The following B3GALT1 variants were observed in gnomAD, a reference collection of about 807,000 sequenced individuals.
The protein encoded by B3GALT1 is beta-1,3-galactosyltransferase 1.
A neutral mutation model predicts 23.2 loss-of-function variants in B3GALT1; 10 were observed. The ratio of observed to expected loss-of-function variants is 0.43; its 90% CI spans 0.27 to 0.73. The LOEUF is 0.73. Among genes scored for constraint, B3GALT1 ranks in the 30% least tolerant of loss-of-function variants. B3GALT1 has a pLI of 0.21. For synonymous variants in B3GALT1, 156 were observed against 141.5 expected (o/e 1.10, Z -0.73); for missense variants, 299 against 405.4 (o/e 0.74, Z 2.25).
At chr2:167,501,008 T>C (rs1019311791) in intron 2 of B3GALT1, among the ~76,000 whole-genome samples, 17 of 152,144 alleles carry the variant, frequency 1.1e-4, no homozygotes, top group Non-Finnish European at 2.4e-4. Flanking sequence ...GTTAAATTCC[T>C]AGAGTAGAAC....
chr2:167,326,627 G>A (rs150733986), intron 1 of B3GALT1, among the ~76,000 whole-genome samples: 149 of 152,000 alleles, frequency 9.8e-4, no homozygotes, highest in African/African-American at 3.4e-3. Context: ...AGAGATAGAG[G>A]TCCAGTTTCA....
At chr2:167,458,998 G>C (rs1699215426) in intron 1 of B3GALT1, among the ~76,000 whole-genome samples, 1 of 152,032 alleles carries the variant, frequency 6.6e-6, no homozygotes, top group South Asian at 2.1e-4. Context: ...CAATCTATTT[G>C]TGCCTTTGGA....
At chr2:167,782,173 G>T (rs1241644569) in intron 3 of B3GALT1, among the ~76,000 whole-genome samples, 3 of 152,110 alleles carry the variant, frequency 2.0e-5, no homozygotes, top group Non-Finnish European at 4.4e-5. Context: ...CAGGGACCTG[G>T]GTGGAGTACA....
At chr2:167,713,415 T>C (rs1426110711) in intron 3 of B3GALT1, among the ~76,000 whole-genome samples, 1 of 152,208 alleles carries the variant, frequency 6.6e-6, no homozygotes, top group Non-Finnish European at 1.5e-5. Flanking sequence ...ACACACTTAA[T>C]TGCACCATCC....
intron 1 of B3GALT1, among the ~76,000 whole-genome samples, chr2:167,449,258 G>A (rs964873273): frequency 6.6e-6 from 1 of 152,072 alleles, no homozygotes; most frequent in Admixed American, 6.6e-5. Context: ...TGTCATCAGT[G>A]ATTTCTTTCA....
At chr2:167,664,854 G>C (rs544470831) in intron 3 of B3GALT1, among the ~76,000 whole-genome samples, 3,972 of 150,324 alleles carry the variant, frequency 0.026, 156 homozygotes, top group African/African-American at 0.092. Context: ...AGCTTAAGGA[G>C]ATTTTGGGCT....
chr2:167,767,315 A>C (rs1162548808), intron 3 of B3GALT1, among the ~76,000 whole-genome samples: 1 of 152,174 alleles, frequency 6.6e-6, no homozygotes, highest in Non-Finnish European at 1.5e-5. Flanking sequence ...TCCTTTCTTA[A>C]AATGAGTTAT....
chr2:167,526,621 T>C (rs1282203392), intron 2 of B3GALT1, among the ~76,000 whole-genome samples: 2 of 152,226 alleles, frequency 1.3e-5, no homozygotes, highest in African/African-American at 4.8e-5. Flanking sequence ...TGTGTGTATA[T>C]GCACACCTGT....
rs768514716 is a variant in B3GALT1, at chr2:167,871,324, G to A, written c.*1304G>A. On this transcript the variant is annotated 3_prime_UTR_variant, in exon 5 of 5. Transcript: ENST00000392690. ...AGATCCTTAGCTTAAAAGGTGCTAC[G>A]TAATGCAATGTATCATGTATTATGC... is the stretch of plus-strand genomic sequence containing the variant. The A allele has an allele frequency of 6.6e-6, 1 of 152,156 alleles. No individual in the cohort carries two copies. Among genetic ancestry groups the A allele is most frequent in the Non-Finnish European group, 1.5e-5 (1 of 68,036 alleles). 9.4% of individuals were successfully genotyped at this position (152,156 alleles called of 1,614,324 possible).
intron 2 of B3GALT1, among the ~76,000 whole-genome samples, chr2:167,529,181 C>T (rs1032496447): frequency 6.6e-6 from 1 of 152,092 alleles, no homozygotes; most frequent in Admixed American, 6.6e-5. Context: ...GGAACACATA[C>T]CTTCCTGGTT....
intron 1 of B3GALT1, among the ~76,000 whole-genome samples, chr2:167,384,664 G>C (rs1697900085): frequency 6.6e-6 from 1 of 151,980 alleles, no homozygotes; most frequent in Admixed American, 6.6e-5. Context: ...CATCCTTACT[G>C]CTGCTGCTCT....
At chr2:167,542,144 A>G (rs1378408453) in intron 2 of B3GALT1, among the ~76,000 whole-genome samples, 1 of 151,816 alleles carries the variant, frequency 6.6e-6, no homozygotes, top group East Asian at 1.9e-4. Context: ...TATTTTTTTA[A>G]ATGTTTCACT....
chr2:167,473,825 CT>C (rs1174604866), intron 1 of B3GALT1, among the ~76,000 whole-genome samples: 1 of 152,112 alleles, frequency 6.6e-6, no homozygotes, highest in African/African-American at 2.4e-5. Flanking sequence ...AAGTGTAGCT[CT>C]TCTACATGAT....
chr2:167,621,175 A>G (rs919636406), intron 2 of B3GALT1, among the ~76,000 whole-genome samples: 2 of 141,828 alleles, frequency 1.4e-5, no homozygotes, highest in Admixed American at 7.6e-5. Context: ...TGCAGCCTTG[A>G]CCTCTGGGGC....
intron 2 of B3GALT1, among the ~76,000 whole-genome samples, chr2:167,535,445 G>T (rs1057370616): frequency 6.6e-6 from 1 of 152,128 alleles, no homozygotes; most frequent in African/African-American, 2.4e-5. Flanking sequence ...CACATGTGGG[G>T]ATACTGAATC....
intron 4 of B3GALT1, among the ~76,000 whole-genome samples, chr2:167,847,100 T>G (rs1335039053): frequency 6.6e-6 from 1 of 152,150 alleles, no homozygotes; most frequent in Non-Finnish European, 1.5e-5. Flanking sequence ...CTCCCAGATT[T>G]ATAAAACAAT....
intron 3 of B3GALT1, among the ~76,000 whole-genome samples, chr2:167,686,104 A>G (rs1049468871): frequency 9.2e-5 from 14 of 152,220 alleles, no homozygotes; most frequent in Admixed American, 3.3e-4. Context: ...CATTGTTTTT[A>G]GTATTTCATT....
At chr2:167,722,641 A>G (rs1009129508) in intron 3 of B3GALT1, among the ~76,000 whole-genome samples, 9 of 152,252 alleles carry the variant, frequency 5.9e-5, no homozygotes, top group Admixed American at 3.3e-4. Context: ...ATGCAATAGC[A>G]TGGTAGACAA....
intron 1 of B3GALT1, among the ~76,000 whole-genome samples, chr2:167,431,394 A>G (rs1012673071): frequency 2.0e-5 from 3 of 152,186 alleles, no homozygotes; most frequent in Non-Finnish European, 4.4e-5. Flanking sequence ...AAGTAATACA[A>G]CTTCTTGATG....
Sources: allele counts gnomAD v4.1 joint callset (sites outside exome capture counted in the v4.1 genomes callset), GRCh38; gene constraint gnomAD v4.1.1; transcripts MANE v1.5; gene names NCBI Gene and HGNC (gene_info 2026-07-23, HGNC 2026-07-21).